SARS1: variants seen among roughly 807,000 people sequenced by gnomAD.
SARS1 encodes serine--tRNA ligase, cytoplasmic.
SARS1 carries 25 observed loss-of-function variants against 63.7 expected under a neutral mutation model. The ratio of observed to expected loss-of-function variants is 0.39; its 90% CI spans 0.29 to 0.55. The LOEUF (loss-of-function observed/expected upper bound fraction) is 0.55. Among genes scored for constraint, SARS1 ranks in the 20% least tolerant of loss-of-function variants. The probability of loss-of-function intolerance (pLI) is 0.62; values close to 1 mark genes in which losing one functional copy is unlikely to be tolerated. For synonymous variants in SARS1, 231 were observed against 243.5 expected (o/e 0.95, Z 0.48); for missense variants, 417 against 649.7 (o/e 0.64, Z 3.89).
chr1:109,221,995 TATATATATATATATA>T (rs1440388540), intron 1 of SARS1, among the ~76,000 whole-genome samples: 4,278 of 26,546 alleles, frequency 0.16, 1,615 homozygotes, highest in South Asian at 0.23. Flanking sequence ...TATATATATA[TATATATATATATATA>T]TTTTTTTTTT....
Position 109,231,628 on chromosome 1 carries a change from TA to T in SARS1, c.592-2del. 6.6e-7 allele frequency: 1 copy of T among 1,517,100 alleles called. No homozygotes were observed. The highest frequency in any genetic ancestry group is 8.8e-7 in the Non-Finnish European group (1 of 1,135,786). 94.0% of individuals were successfully genotyped at this position (1,517,100 alleles called of 1,614,324 possible). ...ACATAGTACTGTGTCTCTGCTCCTC[TA>T]GGGGGTCCTGGTGTTCCTGGAACAG... is the stretch of plus-strand genomic sequence containing the variant. On this transcript the variant is annotated splice_acceptor_variant, in intron 5 of 10. Coordinates refer to ENST00000234677, the MANE Select transcript of SARS1 (RefSeq NM_006513.4). LOFTEE classifies it high-confidence loss of function.
At chr1:109,222,008 A>G (rs777610402) in intron 1 of SARS1, among the ~76,000 whole-genome samples, 3,334 of 15,616 alleles carry the variant, frequency 0.21, 211 homozygotes, top group South Asian at 0.34. Context: ...ATATATATAT[A>G]TATTTTTTTT....
chr1:109,218,346 G>A (rs1211048103), intron 1 of SARS1, among the ~76,000 whole-genome samples: 4 of 142,998 alleles, frequency 2.8e-5, no homozygotes, highest in African/African-American at 1.0e-4. Context: ...CAGCCTGGGG[G>A]ACAAGGTGAG....
chr1:109,214,830 C>T lies in SARS1; in HGVS notation c.136+702C>T. 1 of 985,450 alleles carries T rather than the reference C, an allele frequency of 1.0e-6. No individual in the cohort carries two copies. The highest frequency in any genetic ancestry group is 1.2e-6 in the Non-Finnish European group (1 of 829,952). 61.0% of individuals were successfully genotyped at this position (985,450 alleles called of 1,614,324 possible). A position where few individuals can be genotyped will look rare whatever the true frequency, so the allele number is the denominator to read the frequency against. ...GGACGTTTTCCTTTAAAGACATTGG[C>T]AGAGTTGGGCTAGAACCTGGAACTG... On this transcript the variant is annotated intron_variant, in intron 1 of 10. Coordinates refer to ENST00000234677, the MANE Select transcript of SARS1 (RefSeq NM_006513.4). The surrounding 1 kb of genome is among the most constrained non-coding windows in gnomAD (Gnocchi z 4.6).
chr1:109,233,555 C>T (rs1431302021), intron 6 of SARS1, among the ~76,000 whole-genome samples: 1 of 151,734 alleles, frequency 6.6e-6, no homozygotes, highest in Non-Finnish European at 1.5e-5. Context: ...TATCTGCTTT[C>T]CCATTGACCT....
chr1:109,214,492 C>G lies in SARS1; in HGVS notation c.136+364C>G. On this transcript the variant is annotated intron_variant, in intron 1 of 10. Transcript: ENST00000234677. The surrounding 1 kb of genome is among the most constrained non-coding windows in gnomAD (Gnocchi z 4.6). The stretch of plus-strand genomic sequence containing the variant: ...TCCTAACACGAATCTTTGGTCCCCC[C>G]CAGTCTTTTTCTCATCTTCAGCAAG... 3.0e-6 allele frequency: 3 copies of G among 1,008,650 alleles called. No individual in the cohort carries two copies. Among genetic ancestry groups the G allele is most frequent in the Non-Finnish European group, 2.4e-6 (2 of 834,788 alleles). The allele number at this position is 1,008,650 out of a possible 1,614,324, so 62.5% of individuals were successfully genotyped here.
intron 1 of SARS1, among the ~76,000 whole-genome samples, chr1:109,223,313 A>G (rs2101190424): frequency 6.6e-6 from 1 of 152,374 alleles, no homozygotes; most frequent in East Asian, 1.9e-4. Context: ...TCCTGTGCAT[A>G]GCACCTAGTT....
chr1:109,226,703 C>CATATATATATATATAT (rs1338758890), intron 2 of SARS1, among the ~76,000 whole-genome samples: 1 of 65,048 alleles, frequency 1.5e-5, no homozygotes, highest in South Asian at 5.2e-4. Context: ...TATATACACA[C>CATATATATATATATAT]ACACACACAC....
intron 6 of SARS1, among the ~76,000 whole-genome samples, chr1:109,233,078 T>C (rs921410176): frequency 6.6e-6 from 1 of 152,184 alleles, no homozygotes; most frequent in African/African-American, 2.4e-5. Context: ...GTCTGCATGA[T>C]CCAGCATGGC....
Position 109,235,831 on chromosome 1 carries a change from TGTG to T in SARS1, c.970-143_970-141del. On this transcript the variant is annotated intron_variant, in intron 7 of 10. Coordinates refer to ENST00000234677, the MANE Select transcript of SARS1 (RefSeq NM_006513.4). This position sits in a 1 kb window ranked among gnomAD's most constrained non-coding sequence, Gnocchi z 4.7. Reference sequence around the variant, plus strand: ...AGCTCGCACCATAAGCATTTGCTCTTGTGGTCCAGTCCCAGTTGCTGGGGGCCC... The same window carrying T: ...AGCTCGCACCATAAGCATTTGCTCTTGTCCAGTCCCAGTTGCTGGGGGCCC... 1.3e-6 allele frequency: 1 copy of T among 741,878 alleles called. No individual in the cohort carries two copies. The highest frequency in any genetic ancestry group is 1.7e-5 in the South Asian group (1 of 57,272). 46.0% of individuals were successfully genotyped at this position (741,878 alleles called of 1,614,324 possible).
chr1:109,230,982 G>T lies in SARS1; in HGVS notation c.552G>T (p.Lys184Asn). The T allele has an allele frequency of 6.4e-7, 1 of 1,556,794 alleles. No homozygotes were observed. The highest frequency in any genetic ancestry group is 1.2e-5 in the South Asian group (1 of 81,902). ...VVMVDGFEGE[K>N]GAVVAGSRGY... ...TGGTAGATGGCTTTGAAGGCGAAAA[G>T]GGGGCCGTGGTGGCTGGGAGTCGAG... is the stretch of plus-strand genomic sequence containing the variant. Residue 184 changes from lysine (K) to asparagine (N), a missense_variant, in exon 5 of 11, where the codon AAG (lysine) becomes AAT (asparagine). Physicochemically the swap from Lys to Asn is moderately conservative, Grantham distance 94 (BLOSUM62 0). This residue lies in a region of SARS1 where 359 missense variants were observed against 529.6 expected (regional missense o/e 0.68). Coordinates refer to ENST00000234677, the MANE Select transcript of SARS1 (RefSeq NM_006513.4).
At chr1:109,228,563 C>T in intron 3 of SARS1, 131 bp downstream of exon 3, 1 of 642,536 alleles carries the variant, frequency 1.6e-6, no homozygotes, top group South Asian at 2.0e-5. Context: ...TGGGAAATGT[C>T]CCCACCCATT....
At chr1:109,217,134 A>C (rs1654808337) in intron 1 of SARS1, 1 of 985,292 alleles carries the variant, frequency 1.0e-6, no homozygotes, top group Non-Finnish European at 1.2e-6. Context: ...ACTGTCTGAT[A>C]GGAATAGAAT....
intron 1 of SARS1, chr1:109,215,871 ATTT>A: frequency 3.2e-6 from 1 of 311,050 alleles, no homozygotes; most frequent in Non-Finnish European, 4.6e-6. Context: ...CACCCAGCTA[ATTT>A]TTTTTTTTAG....
chr1:109,216,388 T>C (rs1654787666), intron 1 of SARS1: 1 of 985,260 alleles, frequency 1.0e-6, no homozygotes, highest in African/African-American at 1.7e-5. Flanking sequence ...GGAGTGATAA[T>C]ACCACATTGG....
At chr1:109,230,414 A>G (rs545402878) in intron 4 of SARS1, among the ~76,000 whole-genome samples, 74 of 152,246 alleles carry the variant, frequency 4.9e-4, no homozygotes, top group Non-Finnish European at 8.5e-4. Flanking sequence ...TGCCTTCTCT[A>G]GTTATGAGAC....
Position 109,236,086 on chromosome 1 carries a change from A to G in SARS1, c.1079A>G (p.His360Arg). Reference protein sequence around the residue: ...EFYQSLGIPYHIVNIVSGSLN... With the variant: ...EFYQSLGIPYRIVNIVSGSLN... ...TACCAGTCCCTGGGGATTCCTTACCACATTGTGAATATTGTCTCAGGTATG... is the reference window on the plus strand; with the variant it reads ...TACCAGTCCCTGGGGATTCCTTACCGCATTGTGAATATTGTCTCAGGTATG... Residue 360 changes from histidine (H) to arginine (R), a missense_variant, in exon 8 of 11, where the codon CAC (histidine) becomes CGC (arginine). This residue lies in a region of SARS1 where 359 missense variants were observed against 529.6 expected (regional missense o/e 0.68). Transcript: ENST00000234677. The G allele has an allele frequency of 1.2e-6, 2 of 1,613,768 alleles. No homozygotes were observed. Among genetic ancestry groups the G allele is most frequent in the Non-Finnish European group, 1.7e-6 (2 of 1,179,884 alleles).
At chr1:109,219,830 G>C (rs1654890029) in intron 1 of SARS1, among the ~76,000 whole-genome samples, 1 of 152,178 alleles carries the variant, frequency 6.6e-6, no homozygotes, top group East Asian at 1.9e-4. Flanking sequence ...TTTCTTTCAA[G>C]ATTATGTCTG....
At position 109,229,503 on chromosome 1, in the gene SARS1, A is replaced by G; in HGVS notation, c.378A>G (p.Ala126=). 1.2e-6 allele frequency: 2 copies of G among 1,614,260 alleles called. No homozygotes were observed. The highest frequency in any genetic ancestry group is 8.5e-7 in the Non-Finnish European group (1 of 1,180,048). ...ACGCGGAGCGGATAAAGTTGGAAGC[A>G]GAGCGGTTTGAGAACCTCCGAGAGA... ...KCDAERIKLE[A]ERFENLREIG... is the part of the protein sequence containing the mutation. The change falls in exon 4 of 11, where the codon GCA becomes GCG. Residue 126 remains alanine (A), a synonymous_variant. Coordinates refer to ENST00000234677, the MANE Select transcript of SARS1 (RefSeq NM_006513.4).
Sources: gnomAD v4.1 joint callset for allele counts (sites outside exome capture counted in the v4.1 genomes callset) on GRCh38, gnomAD v4.1.1 for gene constraint, gnomAD v4.1.1 regional missense constraint, Gnocchi (gnomAD v3.1) non-coding constraint, MANE v1.5 for transcripts, NCBI Gene and HGNC (gene_info 2026-07-23, HGNC 2026-07-21) for gene names.